The following FSIP2 variants were observed in gnomAD, a reference collection of about 807,000 sequenced individuals.
FSIP2 encodes fibrous sheath interacting protein 2.
Under a neutral mutation model 510.5 loss-of-function variants are expected in FSIP2, and 367 were observed. The observed-to-expected ratio is 0.72, with a 90% confidence interval of 0.66 to 0.78. FSIP2 has a LOEUF of 0.78. Ranked by LOEUF, FSIP2 falls within the 30% of genes least tolerant of loss-of-function variation. The pLI, the probability that FSIP2 is intolerant of heterozygous loss-of-function variation, is 0.00. For synonymous variants in FSIP2, 2,601 were observed against 2,732.2 expected, an observed-to-expected ratio of 0.95 and a Z score of 1.50; for missense variants, 7,594 against 7,901.7, an observed-to-expected ratio of 0.96 and a Z score of 1.48.
rs117341428 is a variant in FSIP2 at position 185,762,884 on chromosome 2, T to C, written c.1241-299T>C. Among the ~76,000 whole-genome samples the C allele has an allele frequency of 2.3e-3, 352 of 151,626 alleles. 5 individuals carry two copies. In the East Asian group the frequency reaches 0.049, roughly 21 times the overall value. ...AATTACTCAAATGCAAAAAGTTAAT[T>C]CTAGCGGTAGGCTGTGGTTATAGCA... On this transcript the variant is annotated intron_variant, in intron 11 of 22. Coordinates refer to ENST00000424728, the MANE Select transcript of FSIP2 (RefSeq NM_173651.4).
At chr2:185,779,813 T>G (rs1336393436) in intron 13 of FSIP2, among the ~76,000 whole-genome samples, 2 of 152,132 alleles carry the variant, frequency 1.3e-5, no homozygotes, top group Admixed American at 1.3e-4. Flanking sequence ...TTTAGAAAGG[T>G]CTTTAGTGAA....
At chr2:185,746,544 T>G in intron 5 of FSIP2, 125 bp from the exon 6 acceptor site, 1 of 702,038 alleles carries the variant, frequency 1.4e-6, no homozygotes, top group Non-Finnish European at 2.2e-6. Context: ...AGAAAAACAG[T>G]AAAATTCTTG....
At position 185,796,960 on chromosome 2, in the gene FSIP2, G is replaced by A. The variant is rs780524371; in HGVS notation, c.9824G>A (p.Arg3275Lys). The A allele has an allele frequency of 4.4e-5, 67 of 1,534,930 alleles. No individual in the cohort carries two copies. The African/African-American group carries it at 7.1e-4, about 16-fold the overall frequency. ...PEGSFLQKLL[R>K]KASDSTEAAL... ...GGCAGTTTCTTACAAAAGCTGCTTA[G>A]GAAAGCAAGTGACTCCACAGAAGCA... The change falls in exon 16 of 23, where the codon AGG becomes AAG. Residue 3275 changes from arginine (R) to lysine (K), a missense_variant. Physicochemically the swap from Arg to Lys is conservative, Grantham distance 26. Transcript: ENST00000424728.
At chr2:185,774,681 C>T (rs1452001079) in intron 13 of FSIP2, among the ~76,000 whole-genome samples, 4 of 143,286 alleles carry the variant, frequency 2.8e-5, no homozygotes, top group Non-Finnish European at 4.6e-5. Flanking sequence ...GCTGCACCCA[C>T]TAACTCGTCA....
Position 185,801,825 on chromosome 2 carries a change from T to G in FSIP2, c.12519T>G (p.Asp4173Glu). 6.7e-7 allele frequency: 1 copy of G among 1,488,600 alleles called. No individual in the cohort carries two copies. The highest frequency in any genetic ancestry group is 8.9e-7 in the Non-Finnish European group (1 of 1,123,924). 92.2% of individuals were successfully genotyped at this position (1,488,600 alleles called of 1,614,324 possible). The change falls in exon 17 of 23, where the codon GAT (aspartate) becomes GAG (glutamate). Residue 4173 changes from aspartate to glutamate, a missense_variant. Asp to Glu is a conservative substitution (Grantham distance 45, BLOSUM62 2). Transcript: ENST00000424728. ...GAAAAAAATATTTAATGAGTTCTGATTTTAATGAAATGTCCACTTGTATAA... is the reference window on the plus strand; with the variant it reads ...GAAAAAAATATTTAATGAGTTCTGAGTTTAATGAAATGTCCACTTGTATAA... ...SLGKKYLMSS[D>E]FNEMSTCIIN...
At chr2:185,763,139 C>A (rs1033965486) in intron 11 of FSIP2, 44 bp from the exon 12 acceptor site, 6 of 828,730 alleles carry the variant, frequency 7.2e-6, no homozygotes, top group African/African-American at 6.8e-5. Flanking sequence ...CTTGTCCCAG[C>A]AATATCAGCT....
chr2:185,825,414 A>G (rs757768450), intron 20 of FSIP2, among the ~76,000 whole-genome samples: 20 of 151,796 alleles, frequency 1.3e-4, no homozygotes, highest in Non-Finnish European at 2.7e-4. Flanking sequence ...GACCAATGTA[A>G]CAGACATGGG....
At position 185,746,685 on chromosome 2, in the gene FSIP2, A is replaced by G. The variant is rs1165366181; in HGVS notation, c.634A>G (p.Ser212Gly). The change falls in exon 6 of 23, where the codon AGT becomes GGT. Residue 212 changes from serine (S) to glycine (G), a missense_variant. By Grantham distance (56) the Ser-to-Gly change is moderately conservative. Coordinates refer to ENST00000424728, the MANE Select transcript of FSIP2 (RefSeq NM_173651.4). ...CTTACTCAGATATTTGGATATGATA[A>G]GTAGAAAACTAGAACAACTTGAACG... ...LMRHRYLDMI[S>G]RKLEQLERTA... 5 of 1,516,612 alleles carry G rather than the reference A, an allele frequency of 3.3e-6. No homozygotes were observed. The highest frequency in any genetic ancestry group is 4.3e-5 in the Admixed American group (2 of 46,436). 93.9% of individuals were successfully genotyped at this position (1,516,612 alleles called of 1,614,324 possible). A position where few individuals can be genotyped will look rare whatever the true frequency, so the allele number is the denominator to read the frequency against.
At chr2:185,778,089 G>T (rs6745546) in intron 13 of FSIP2, among the ~76,000 whole-genome samples, 99,553 of 151,724 alleles carry the variant, frequency 0.66, 32,973 homozygotes, top group South Asian at 0.72. Flanking sequence ...TTTTATAAAT[G>T]TATTTAATTC....
At position 185,803,383 on chromosome 2, in the gene FSIP2, G is replaced by A; in HGVS notation, c.14077G>A (p.Val4693Ile). 6.5e-7 allele frequency: 1 copy of A among 1,533,314 alleles called. No homozygotes were observed. Among genetic ancestry groups the A allele is most frequent in the Non-Finnish European group, 8.7e-7 (1 of 1,144,950 alleles). 95.0% of individuals were successfully genotyped at this position (1,533,314 alleles called of 1,614,324 possible). A position where few individuals can be genotyped will look rare whatever the true frequency, so the allele number is the denominator to read the frequency against. Residue 4693 changes from valine to isoleucine, a missense_variant, in exon 17 of 23, where the codon GTA becomes ATA. By Grantham distance (29) the Val-to-Ile change is conservative. Transcript: ENST00000424728. Reference protein sequence around the residue: ...RLCLPPVERDVVKTIVDMVYS... With the variant: ...RLCLPPVERDIVKTIVDMVYS... ...GTGTTTACCTCCAGTGGAGAGGGAT[G>A]TAGTCAAAACAATTGTTGACATGGT...
chr2:185,814,332 C>T (rs1461945104), intron 18 of FSIP2, among the ~76,000 whole-genome samples: 1 of 151,942 alleles, frequency 6.6e-6, no homozygotes, highest in Non-Finnish European at 1.5e-5. Flanking sequence ...TGGTTTCCAC[C>T]CTTTTGTATT....
chr2:185,745,632 T>C, intron 5 of FSIP2, 64 bp downstream of exon 5: 3 of 1,346,930 alleles, frequency 2.2e-6, no homozygotes, highest in Non-Finnish European at 3.0e-6. Context: ...TGGAAAATAC[T>C]AGAAAGAATT....
chr2:185,759,924 G>A (rs1260156393), intron 9 of FSIP2, among the ~76,000 whole-genome samples: 1 of 150,094 alleles, frequency 6.7e-6, no homozygotes, highest in Non-Finnish European at 1.5e-5. Flanking sequence ...TTTGTGGAAA[G>A]GTTTAAACCT....
At chr2:185,764,415 A>G in intron 12 of FSIP2, 87 bp from the exon 13 acceptor site, 1 of 679,224 alleles carries the variant, frequency 1.5e-6, no homozygotes, top group South Asian at 2.0e-5. Context: ...AAATTTCTGT[A>G]CTATAAATAT....
chr2:185,802,371 T>C lies in FSIP2; in HGVS notation c.13065T>C (p.Tyr4355=), dbSNP rs767912032. 1.1e-4 allele frequency: 169 copies of C among 1,532,800 alleles called. No individual in the cohort carries two copies. The highest frequency in any genetic ancestry group is 1.3e-4 in the Non-Finnish European group (154 of 1,145,102). 94.9% of individuals were successfully genotyped at this position (1,532,800 alleles called of 1,614,324 possible). A position where few individuals can be genotyped will look rare whatever the true frequency, so the allele number is the denominator to read the frequency against. The change falls in exon 17 of 23, where the codon TAT becomes TAC. Residue 4355 remains tyrosine (Y), a synonymous_variant. Coordinates refer to ENST00000424728, the MANE Select transcript of FSIP2 (RefSeq NM_173651.4). Reference sequence around the variant, plus strand: ...ATAAAGCTAAAATTCACATTCTCTATGATGACAAAGAACAGGCTTTCTTTT... The same window carrying C: ...ATAAAGCTAAAATTCACATTCTCTACGATGACAAAGAACAGGCTTTCTTTT... The part of the protein sequence containing the change: ...HFNKAKIHIL[Y]DDKEQAFFSF...
intron 7 of FSIP2, among the ~76,000 whole-genome samples, chr2:185,751,462 T>TGTGTGC (rs1491565530): frequency 4.0e-4 from 1 of 2,470 alleles, no homozygotes; most frequent in Non-Finnish European, 1.0e-3. Flanking sequence ...TTTATTTTTC[T>TGTGTGC]GTGTGTGTGT....
In FSIP2 at chr2:185,814,719, C is replaced by T. The variant is rs866991486; in HGVS notation, c.20326-652C>T. On this transcript the variant is annotated intron_variant, in intron 18 of 22. Transcript: ENST00000424728. ...ATGGAAAAAAGTTTCAGAGATTAGTCAAAAGATGGATGAGCCCTGTAATTC... is the reference window on the plus strand; with the variant it reads ...ATGGAAAAAAGTTTCAGAGATTAGTTAAAAGATGGATGAGCCCTGTAATTC... Among the ~76,000 whole-genome samples the T allele has an allele frequency of 7.2e-5, 11 of 151,872 alleles. No individual in the cohort carries two copies. In the South Asian group the frequency reaches 2.3e-3, roughly 32 times the overall value.
Position 185,824,422 on chromosome 2 carries a change from C to A in FSIP2, c.20427-12C>A, listed in dbSNP as rs940364535. 5.1e-6 allele frequency: 8 copies of A among 1,572,036 alleles called. No individual in the cohort carries two copies. The African/African-American group carries it at 1.1e-4, about 22-fold the overall frequency. On this transcript the variant is annotated splice_polypyrimidine_tract_variant and intron_variant, in intron 19 of 22. Coordinates refer to ENST00000424728, the MANE Select transcript of FSIP2 (RefSeq NM_173651.4). ...ATTCACCCTAAATGATGTTCTTTTT[C>A]TTTTGTTTTAGTGAGGCTGAAGATT... is the stretch of plus-strand genomic sequence containing the variant.
Position 185,800,050 on chromosome 2 carries a change from ATGGT to A in FSIP2, c.10747_10750del (p.Val3583ProfsTer12). 2 of 1,530,036 alleles carry A rather than the reference ATGGT, an allele frequency of 1.3e-6. No homozygotes were observed. Among genetic ancestry groups the A allele is most frequent in the South Asian group, 2.4e-5 (2 of 83,532 alleles). 94.8% of individuals were successfully genotyped at this position (1,530,036 alleles called of 1,614,324 possible). On this transcript the variant is annotated frameshift_variant, in exon 17 of 23. Coordinates refer to ENST00000424728, the MANE Select transcript of FSIP2 (RefSeq NM_173651.4). LOFTEE classifies it high-confidence loss of function. Reference sequence around the variant, plus strand: ...TATACAGGCTGACATTGCACAGAAAATGGTTGCCATACCTACAAAATACACTTAC... The same window carrying A: ...TATACAGGCTGACATTGCACAGAAAATGCCATACCTACAAAATACACTTAC...
Sources: gnomAD v4.1 joint callset for allele counts (sites outside exome capture counted in the v4.1 genomes callset) on GRCh38, gnomAD v4.1.1 for gene constraint, MANE v1.5 for transcripts, NCBI Gene and HGNC (gene_info 2026-07-23, HGNC 2026-07-21) for gene names.